CTDP1: variants seen among roughly 807,000 people sequenced by gnomAD.
CTDP1 encodes the protein RNA polymerase II subunit A C-terminal domain phosphatase.
In CTDP1, 47 loss-of-function variants were observed where a neutral mutation model predicts 91.8. The observed-to-expected ratio is 0.51, with a 90% CI of 0.41 to 0.65. The LOEUF (loss-of-function observed/expected upper bound fraction) is 0.65, where lower values mean the gene tolerates loss of function less well. Ranked by LOEUF, CTDP1 falls within the 30% of genes least tolerant of loss-of-function variation. CTDP1 has a pLI of 0.00. For missense variants in CTDP1, 1,272 were observed against 1,373.7 expected (o/e 0.93, Z 1.17); for synonymous variants, 656 against 598.5 (o/e 1.10, Z -1.40).
chr18:79,732,621 C>G (rs765193613), intron 11 of CTDP1, among the ~76,000 whole-genome samples: 2 of 151,130 alleles, frequency 1.3e-5, no homozygotes, highest in Non-Finnish European at 1.5e-5. Flanking sequence ...GAACTAACAT[C>G]AGGAGTGCTC....
At position 79,680,153 on chromosome 18, in the gene CTDP1, C is replaced by T. The variant is rs771395058; in HGVS notation, c.206C>T (p.Ala69Val). 46 of 1,409,864 alleles carry T rather than the reference C, an allele frequency of 3.3e-5. No individual in the cohort carries two copies. Among genetic ancestry groups the T allele is most frequent in the South Asian group, 4.4e-5 (3 of 67,756 alleles). The allele number at this position is 1,409,864 out of a possible 1,614,324, so 87.3% of individuals were successfully genotyped here. A position where few individuals can be genotyped will look rare whatever the true frequency, so the allele number is the denominator to read the frequency against. The part of the protein sequence containing the change: ...QSSGASQSRV[A>V]SGGCVRPARP... ...TCCGGGGCCTCTCAGTCCCGTGTAGCCTCCGGGGGCTGCGTGCGCCCCGCG... is the reference window on the plus strand; with the variant it reads ...TCCGGGGCCTCTCAGTCCCGTGTAGTCTCCGGGGGCTGCGTGCGCCCCGCG... The change falls in exon 1 of 13, where the codon GCC (alanine) becomes GTC (valine). Residue 69 changes from alanine to valine, a missense_variant. Transcript: ENST00000613122.
chr18:79,694,573 C>G (rs1479070126), intron 1 of CTDP1, among the ~76,000 whole-genome samples: 1 of 143,998 alleles, frequency 6.9e-6, no homozygotes, highest in African/African-American at 2.6e-5. Flanking sequence ...GCGCTGAGTG[C>G]TGGGTGGTCT....
At chr18:79,694,506 T>A (rs1472133433) in intron 1 of CTDP1, among the ~76,000 whole-genome samples, 1 of 122,338 alleles carries the variant, frequency 8.2e-6, no homozygotes, top group Admixed American at 8.5e-5. Context: ...CGGGGTGGGG[T>A]GGTCGGAGCA....
At chr18:79,684,822 A>G (rs559267772) in intron 1 of CTDP1, among the ~76,000 whole-genome samples, 25 of 152,328 alleles carry the variant, frequency 1.6e-4, no homozygotes, top group East Asian at 7.7e-4. Flanking sequence ...GCTTCATCCT[A>G]TCTGGCAGAA....
Position 79,754,155 on chromosome 18 carries a change from G to C in CTDP1, c.*365G>C. The stretch of plus-strand genomic sequence containing the variant: ...GGGGACGGCTTTGGGGGTCCCACGA[G>C]ACATGGACTAGGAGTTTAAGCAGGA... On this transcript the variant is annotated 3_prime_UTR_variant, in exon 13 of 13. Transcript: ENST00000613122. 1 of 358,542 alleles carries C rather than the reference G, an allele frequency of 2.8e-6. No homozygotes were observed. Among genetic ancestry groups the C allele is most frequent in the South Asian group, 2.3e-5 (1 of 43,874 alleles). The allele number at this position is 358,542 out of a possible 1,614,324, so 22.2% of individuals were successfully genotyped here.
chr18:79,710,359 C>T lies in CTDP1; in HGVS notation c.786C>T (p.Pro262=), dbSNP rs140645111. 1,100 of 1,613,586 alleles carry T rather than the reference C, an allele frequency of 6.8e-4. 9 individuals are homozygous for T. The Admixed American group carries it at 0.011, about 17-fold the overall frequency. Residue 262 remains proline, a synonymous_variant, in exon 6 of 13, where the codon CCC becomes CCT. Transcript: ENST00000613122. ...YAHTIAGFLD[P]EKKLFSHRIL... ...TTCTTTTCCAAGGCTTTTTAGACCC[C>T]GAGAAGAAGCTTTTTTCTCACCGAA...
chr18:79,750,203 AG>A (rs1241026464), intron 12 of CTDP1, among the ~76,000 whole-genome samples: 1 of 151,896 alleles, frequency 6.6e-6, no homozygotes, highest in African/African-American at 2.4e-5. Context: ...TTTTTAAGAC[AG>A]GGTCTTGCTC....
In CTDP1 at chr18:79,715,024, C is replaced by T. The variant is rs1169123148; in HGVS notation, c.1564C>T (p.His522Tyr). 1 of 1,601,986 alleles carries T rather than the reference C, an allele frequency of 6.2e-7. No individual in the cohort carries two copies. The highest frequency in any genetic ancestry group is 1.1e-5 in the South Asian group (1 of 89,230). ...SLPGEAEPGA[H>Y]APDKEPELGG... ...CCCCGGAGAGGCCGAGCCTGGCGCG[C>T]ATGCCCCGGACAAGGAGCCTGAGCT... The change falls in exon 8 of 13, where the codon CAT becomes TAT. Residue 522 changes from histidine to tyrosine, a missense_variant. His to Tyr is a moderately conservative substitution (Grantham distance 83). Coordinates refer to ENST00000613122, the MANE Select transcript of CTDP1 (RefSeq NM_004715.5).
upstream of CTDP1, chr18:79,679,378 C>T (rs973997592): frequency 2.2e-6 from 1 of 453,978 alleles, no homozygotes; most frequent in African/African-American, 2.0e-5. Flanking sequence ...CGTAGTCCCG[C>T]GACGTTGCGA....
At chr18:79,709,283 A>G (rs147425356) in intron 5 of CTDP1, among the ~76,000 whole-genome samples, 6 of 152,344 alleles carry the variant, frequency 3.9e-5, no homozygotes, top group African/African-American at 1.4e-4. Flanking sequence ...TTATTTTTAA[A>G]TTATCTTTAT....
chr18:79,741,611 A>G lies in CTDP1; in HGVS notation c.2747+5090A>G, dbSNP rs1204741558. ...GTGATAAACAGGAAAGGAAAACAGC[A>G]CCACGTTTTAAAGGCTTAGTTTCCT... On this transcript the variant is annotated intron_variant, in intron 12 of 12. Coordinates refer to ENST00000613122, the MANE Select transcript of CTDP1 (RefSeq NM_004715.5). 1.3e-5 allele frequency among the ~76,000 whole-genome samples: 2 copies of G among 152,306 alleles called. 1 individual carries two copies. Among genetic ancestry groups the G allele is most frequent in the Middle Eastern group, 6.8e-3 (2 of 294 alleles).
At chr18:79,694,277 GGGCGCT>G (rs1568178144) in intron 1 of CTDP1, among the ~76,000 whole-genome samples, 1 of 126,136 alleles carries the variant, frequency 7.9e-6, no homozygotes, top group East Asian at 2.6e-4. Flanking sequence ...ACCTAGGGGT[GGGCGCT>G]GAGTGCTGGG....
At chr18:79,724,912 C>T (rs568782393) in intron 10 of CTDP1, among the ~76,000 whole-genome samples, 3 of 152,304 alleles carry the variant, frequency 2.0e-5, no homozygotes, top group South Asian at 2.1e-4. Context: ...CGCAGCGTCT[C>T]GAGGGCACTC....
intron 12 of CTDP1, among the ~76,000 whole-genome samples, chr18:79,739,145 C>T (rs971890096): frequency 2.0e-5 from 3 of 152,212 alleles, no homozygotes; most frequent in African/African-American, 4.8e-5. Context: ...TTAGTATCTG[C>T]GGATTTGCAG....
chr18:79,680,923 C>A (rs1316272186), intron 1 of CTDP1: 1 of 152,304 alleles, frequency 6.6e-6, no homozygotes, highest in Non-Finnish European at 1.5e-5. Context: ...TTTGAATCTA[C>A]CCTTGTGTTC....
chr18:79,700,742 ACAG>A (rs2085840962), intron 4 of CTDP1, among the ~76,000 whole-genome samples: 1 of 152,220 alleles, frequency 6.6e-6, no homozygotes, highest in Non-Finnish European at 1.5e-5. Context: ...TGCAGACAAA[ACAG>A]CCTTCTGTTG....
intron 12 of CTDP1, among the ~76,000 whole-genome samples, chr18:79,742,113 T>C (rs866867034): frequency 3.7e-4 from 3 of 8,080 alleles, no homozygotes; most frequent in Non-Finnish European, 7.8e-4. Context: ...AGGCATGAGG[T>C]GGAGGCCTGG....
At chr18:79,738,705 A>G (rs1302101137) in intron 12 of CTDP1, among the ~76,000 whole-genome samples, 1 of 152,244 alleles carries the variant, frequency 6.6e-6, no homozygotes, top group Non-Finnish European at 1.5e-5. Flanking sequence ...CAGACAAGAC[A>G]AGATAGTCAT....
At chr18:79,736,309 G>A (rs922770960) in intron 11 of CTDP1, 46 bp from the exon 12 acceptor site, 33 of 1,548,178 alleles carry the variant, frequency 2.1e-5, no homozygotes, top group African/African-American at 2.1e-4. Context: ...GCGGAGGAAC[G>A]GGGCCCGGGA....
Sources: gnomAD v4.1 joint callset for allele counts (sites outside exome capture counted in the v4.1 genomes callset) on GRCh38, gnomAD v4.1.1 for gene constraint, MANE v1.5 for transcripts, NCBI Gene and HGNC (gene_info 2026-07-23, HGNC 2026-07-21) for gene names.